Variants in TSPAN18 observed in about 807,000 individuals in gnomAD.
TSPAN18 encodes the protein tetraspanin-18.
A neutral mutation model predicts 27.3 loss-of-function variants in TSPAN18; 14 were observed. The ratio of observed to expected loss-of-function variants is 0.51; its 90% CI spans 0.34 to 0.80. The LOEUF is 0.80. Among genes scored for constraint, TSPAN18 ranks in the 30% least tolerant of loss-of-function variants. The probability of loss-of-function intolerance (pLI) is 0.01; values close to 1 mark genes in which losing one functional copy is unlikely to be tolerated. For synonymous variants in TSPAN18, 143 were observed against 136.5 expected (o/e 1.05, Z -0.33); for missense variants, 268 against 323.9 (o/e 0.83, Z 1.32).
chr11:44,809,904 A>T (rs1268747641), intron 2 of TSPAN18, among the ~76,000 whole-genome samples: 1 of 152,158 alleles, frequency 6.6e-6, no homozygotes, highest in South Asian at 2.1e-4. Flanking sequence ...TTACTTTCTT[A>T]TCTAGCACCC....
Position 44,929,167 on chromosome 11 carries a change from G to A in TSPAN18, c.736G>A (p.Gly246Ser), listed in dbSNP as rs1341470758. 2 of 1,613,456 alleles carry A rather than the reference G, an allele frequency of 1.2e-6. No homozygotes were observed. The highest frequency in any genetic ancestry group is 1.7e-5 in the Admixed American group (1 of 60,020). ...GATCTTTGCCATGTGCCTCTTCCGG[G>A]GCATCCAGTAGAGGGTATGGCCTGA... ...AMIFAMCLFRGIQ is the reference protein window; with the variant it reads ...AMIFAMCLFRSIQ The change falls in exon 10 of 10, where the codon GGC (glycine) becomes AGC (serine). Residue 246 changes from glycine (G) to serine (S), a missense_variant. Physicochemically the swap from Gly to Ser is moderately conservative, Grantham distance 56. Coordinates refer to ENST00000520358, the MANE Select transcript of TSPAN18 (RefSeq NM_130783.5).
intron 2 of TSPAN18, among the ~76,000 whole-genome samples, chr11:44,813,387 A>G (rs1856759287): frequency 1.3e-5 from 2 of 152,228 alleles, no homozygotes; most frequent in Non-Finnish European, 2.9e-5. Flanking sequence ...GAAAGTGGGA[A>G]TCATGATACT....
chr11:44,909,784 A>G lies in TSPAN18; in HGVS notation c.143A>G (p.Asn48Ser), dbSNP rs761966179. Residue 48 changes from asparagine to serine, a missense_variant, in exon 5 of 10, where the codon AAT (asparagine) becomes AGT (serine). Asn to Ser is a conservative substitution (Grantham distance 46, BLOSUM62 1). Coordinates refer to ENST00000520358, the MANE Select transcript of TSPAN18 (RefSeq NM_130783.5). The stretch of plus-strand genomic sequence containing the variant: ...GGCTTCCGGGAGATCGTGGCTGCCA[A>G]TCCTCTGCTCCTCACGGGCGCCTAC... ...PTGFREIVAA[N>S]PLLLTGAYIL... The G allele has an allele frequency of 4.3e-6, 7 of 1,613,888 alleles. No individual in the cohort carries two copies. The South Asian group carries it at 6.6e-5, about 15-fold the overall frequency.
intron 2 of TSPAN18, among the ~76,000 whole-genome samples, chr11:44,813,750 C>T (rs1374690340): frequency 6.6e-6 from 1 of 152,212 alleles, no homozygotes. Flanking sequence ...GCAAGAGGCA[C>T]AAAACCTTGC....
At chr11:44,798,689 G>A (rs948704454) in intron 2 of TSPAN18, among the ~76,000 whole-genome samples, 2 of 152,162 alleles carry the variant, frequency 1.3e-5, no homozygotes, top group African/African-American at 4.8e-5. Context: ...TGGAATTGGA[G>A]AGTTTTAAAC....
intron 2 of TSPAN18, among the ~76,000 whole-genome samples, chr11:44,849,562 C>T (rs1434951923): frequency 6.6e-6 from 1 of 152,148 alleles, no homozygotes; most frequent in African/African-American, 2.4e-5. Context: ...GGGGTGTGGC[C>T]TCCCAGGGAT....
intron 2 of TSPAN18, among the ~76,000 whole-genome samples, chr11:44,841,351 C>T (rs1255487659): frequency 6.6e-6 from 1 of 152,030 alleles, no homozygotes; most frequent in East Asian, 1.9e-4. Context: ...ACCCCCATCT[C>T]TATTAAAAAT....
At chr11:44,805,477 G>C (rs898057808) in intron 2 of TSPAN18, among the ~76,000 whole-genome samples, 2 of 152,190 alleles carry the variant, frequency 1.3e-5, no homozygotes, top group South Asian at 2.1e-4. Context: ...CCAGTTTCCA[G>C]GAAGCCCGTG....
intron 2 of TSPAN18, among the ~76,000 whole-genome samples, chr11:44,859,450 T>C (rs1165347392): frequency 6.6e-6 from 1 of 152,182 alleles, no homozygotes; most frequent in Admixed American, 6.5e-5. Flanking sequence ...TTATTCCCAT[T>C]TTACAAATGA....
intron 5 of TSPAN18, among the ~76,000 whole-genome samples, chr11:44,912,760 C>T (rs960244278): frequency 6.6e-6 from 1 of 151,950 alleles, no homozygotes; most frequent in African/African-American, 2.4e-5. Flanking sequence ...CATATGTACA[C>T]GTGCATGGGT....
At chr11:44,863,205 T>C (rs978644403) in intron 3 of TSPAN18, among the ~76,000 whole-genome samples, 3 of 152,174 alleles carry the variant, frequency 2.0e-5, no homozygotes, top group Non-Finnish European at 2.9e-5. Context: ...TGCCTAGATA[T>C]AGGCCAGTTT....
intron 5 of TSPAN18, among the ~76,000 whole-genome samples, chr11:44,911,886 C>G (rs1188721695): frequency 6.6e-6 from 1 of 151,928 alleles, no homozygotes; most frequent in African/African-American, 2.4e-5. Context: ...GGCTGCCAGG[C>G]TGGGGGCCCT....
At chr11:44,928,408 A>G (rs1295152469) in intron 9 of TSPAN18, among the ~76,000 whole-genome samples, 2 of 152,224 alleles carry the variant, frequency 1.3e-5, no homozygotes, top group African/African-American at 2.4e-5. Flanking sequence ...CTCTGGGGTC[A>G]CAATGCCTGG....
chr11:44,930,773 G>A lies in TSPAN18; in HGVS notation c.*1595G>A, dbSNP rs11038220. The A allele has an allele frequency of 0.016, 7,133 of 457,006 alleles. 457 individuals are homozygous for A. Among genetic ancestry groups the A allele is most frequent in the African/African-American group, 0.13 (6,470 of 49,992 alleles). 28.3% of individuals were successfully genotyped at this position (457,006 alleles called of 1,614,324 possible). A position where few individuals can be genotyped will look rare whatever the true frequency, so the allele number is the denominator to read the frequency against. On this transcript the variant is annotated 3_prime_UTR_variant, in exon 10 of 10. Transcript: ENST00000520358. ...TGATGAGTGATGTCTGCCAGGCACC[G>A]TAAGTTTGATTAGTGATGTCTGCCA...
intron 2 of TSPAN18, among the ~76,000 whole-genome samples, chr11:44,780,182 CCT>C (rs1482545670): frequency 2.6e-5 from 4 of 152,070 alleles, no homozygotes; most frequent in Non-Finnish European, 4.4e-5. Context: ...GTCCTCCCTG[CCT>C]CTCCCCCACT....
chr11:44,851,628 G>A (rs969819831), intron 2 of TSPAN18, among the ~76,000 whole-genome samples: 2 of 106,456 alleles, frequency 1.9e-5, no homozygotes, highest in Admixed American at 9.5e-5. Context: ...CCCCCCCAAC[G>A]GCTGGGTCCC....
intron 9 of TSPAN18, among the ~76,000 whole-genome samples, 174 bp downstream of exon 9, chr11:44,926,931 T>G (rs1860382507): frequency 6.6e-6 from 1 of 152,184 alleles, no homozygotes; most frequent in South Asian, 2.1e-4. Flanking sequence ...CTGAGAGTCA[T>G]TCTTGAACTC....
At chr11:44,758,794 A>G (rs1855387412) in intron 1 of TSPAN18, among the ~76,000 whole-genome samples, 2 of 152,180 alleles carry the variant, frequency 1.3e-5, no homozygotes, top group Non-Finnish European at 2.9e-5. Context: ...CATTGGTAGC[A>G]AGAGGCAGAA....
chr11:44,900,086 C>T (rs546154640), intron 3 of TSPAN18, among the ~76,000 whole-genome samples: 1 of 152,220 alleles, frequency 6.6e-6, no homozygotes, highest in Non-Finnish European at 1.5e-5. Context: ...AAGTTAACTT[C>T]TAGAAGTCAT....
Sources: gnomAD v4.1 joint callset for allele counts (sites outside exome capture counted in the v4.1 genomes callset) on GRCh38, gnomAD v4.1.1 for gene constraint, MANE v1.5 for transcripts, NCBI Gene and HGNC (gene_info 2026-07-23, HGNC 2026-07-21) for gene names.